Variants in PIGG observed in about 807,000 individuals in gnomAD.
PIGG encodes phosphatidylinositol glycan anchor biosynthesis class G (EMM blood group).
A neutral mutation model predicts 83.2 loss-of-function variants in PIGG; 70 were observed. The observed-to-expected ratio is 0.84, with a 90% confidence interval of 0.69 to 1.03. PIGG has a LOEUF of 1.03. Ranked by LOEUF, PIGG falls within the 50% of genes least tolerant of loss-of-function variation. The pLI is 0.00. For synonymous variants in PIGG, 532 were observed against 519.5 expected (o/e 1.02, Z -0.33); for missense variants, 1,257 against 1,233.6 (o/e 1.02, Z -0.28).
intron 12 of PIGG, among the ~76,000 whole-genome samples, chr4:534,470 G>A (rs1234227482): frequency 6.6e-6 from 1 of 152,220 alleles, no homozygotes; most frequent in Non-Finnish European, 1.5e-5. Context: ...TCGTCCTTGA[G>A]TAGCTAGGGG....
chr4:514,814 C>G (rs751427599), intron 5 of PIGG, among the ~76,000 whole-genome samples: 3 of 152,192 alleles, frequency 2.0e-5, no homozygotes, highest in Non-Finnish European at 2.9e-5. Context: ...CCGCAATAGA[C>G]ACGCAACAGT....
chr4:538,219 G>C (rs1731211752), intron 12 of PIGG, among the ~76,000 whole-genome samples: 1 of 152,244 alleles, frequency 6.6e-6, no homozygotes, highest in Non-Finnish European at 1.5e-5. Context: ...ATGAGGCATG[G>C]AAAGTGCCCA....
chr4:524,242 C>T (rs907388460), intron 9 of PIGG, among the ~76,000 whole-genome samples: 3 of 152,210 alleles, frequency 2.0e-5, no homozygotes, highest in African/African-American at 7.2e-5. Context: ...GTGGCTTGTT[C>T]TGGACGCCTC....
intron 3 of PIGG, among the ~76,000 whole-genome samples, chr4:506,143 C>A (rs1347295987): frequency 6.6e-5 from 10 of 151,936 alleles, no homozygotes; most frequent in African/African-American, 2.4e-4. Flanking sequence ...TTTTATGGAA[C>A]CCAAAGCTTA....
At chr4:509,202 GC>G (rs1720993757) in intron 5 of PIGG, among the ~76,000 whole-genome samples, 1 of 152,154 alleles carries the variant, frequency 6.6e-6, no homozygotes, top group Non-Finnish European at 1.5e-5. Flanking sequence ...GAATGTTGCT[GC>G]CTGGATATCT....
chr4:504,181 G>A (rs1260601018), intron 2 of PIGG, among the ~76,000 whole-genome samples: 1 of 152,136 alleles, frequency 6.6e-6, no homozygotes, highest in African/African-American at 2.4e-5. Flanking sequence ...TTTTGACTTA[G>A]GTCTTTTGGT....
chr4:531,008 C>T (rs902943135), intron 11 of PIGG: 2 of 463,558 alleles, frequency 4.3e-6, no homozygotes, highest in Non-Finnish European at 7.6e-6. Context: ...ACAAGCAGTT[C>T]AGGAAGCACA....
chr4:524,511 G>A (rs1468563698), intron 9 of PIGG: 1 of 152,460 alleles, frequency 6.6e-6, no homozygotes, highest in African/African-American at 2.4e-5. Flanking sequence ...GAAAGAGAGG[G>A]ATGAGGAGGG....
In PIGG at chr4:500,430, T is replaced by G; in HGVS notation, c.189T>G (p.Pro63=). The G allele has an allele frequency of 3.1e-6, 5 of 1,614,050 alleles. No homozygotes were observed. The highest frequency in any genetic ancestry group is 2.7e-5 in the African/African-American group (2 of 75,044). ...CTAACTGGACCACGCTGCCACCACC[T>G]CTCTTCAGTAAAGTTGTTATTGTTC... The part of the protein sequence containing the change: ...ASSNWTTLPP[P]LFSKVVIVLI... The change falls in exon 2 of 13, where the codon CCT becomes CCG. Residue 63 remains proline (P), a synonymous_variant. Transcript: ENST00000453061.
intron 8 of PIGG, chr4:522,190 T>C: frequency 1.7e-6 from 1 of 602,508 alleles, no homozygotes; most frequent in East Asian, 2.8e-5. Flanking sequence ...GAAAGCTAGG[T>C]TCCTGCGACT....
At chr4:518,781 C>T (rs1208753382) in intron 6 of PIGG, among the ~76,000 whole-genome samples, 5 of 152,034 alleles carry the variant, frequency 3.3e-5, no homozygotes, top group African/African-American at 9.7e-5. Context: ...CCCCCCCTGG[C>T]GGCCCATTGT....
At position 523,816 on chromosome 4, in the gene PIGG, C is replaced by T. The variant is rs757266669; in HGVS notation, c.1972C>T (p.Pro658Ser). The T allele has an allele frequency of 1.6e-5, 26 of 1,612,848 alleles. No homozygotes were observed. In the South Asian group the frequency reaches 2.3e-4, roughly 14 times the overall value. ...CGAGAAGTGGATGGTGCTGGCCAGT[C>T]CGTGGCTAATACTGGCCTGCTGCCG... Reference protein sequence around the residue: ...GREKWMVLASPWLILACCRLL... With the variant: ...GREKWMVLASSWLILACCRLL... The change falls in exon 9 of 13, where the codon CCG becomes TCG. Residue 658 changes from proline to serine, a missense_variant. By Grantham distance (74) the Pro-to-Ser change is moderately conservative. Transcript: ENST00000453061.
In PIGG at chr4:500,484, G is replaced by A. The variant is rs2108747716; in HGVS notation, c.243G>A (p.Val81=). 2 of 1,613,406 alleles carry A rather than the reference G, an allele frequency of 1.2e-6. No individual in the cohort carries two copies. Among genetic ancestry groups the A allele is most frequent in the East Asian group, 4.5e-5 (2 of 44,884 alleles). Reference sequence around the variant, plus strand: ...TAGATGCCTTGAGAGATGATTTTGTGTTTGGGTCAAAGGGTGTGAAATTTA... The same window carrying A: ...TAGATGCCTTGAGAGATGATTTTGTATTTGGGTCAAAGGGTGTGAAATTTA... ...VLIDALRDDF[V]FGSKGVKFMP... Residue 81 remains valine (V), a synonymous_variant, in exon 2 of 13, where the codon GTG becomes GTA. Coordinates refer to ENST00000453061, the MANE Select transcript of PIGG (RefSeq NM_001127178.3).
Position 521,250 on chromosome 4 carries a change from G to A in PIGG, c.1309G>A (p.Val437Met), listed in dbSNP as rs781604169. ...VAQYDIYSMM[V>M]GTVVVLEVLT... Reference sequence around the variant, plus strand: ...CCAGTACGACATCTATTCGATGATGGTGGGGACTGTCGTGGTTTTGGAGGT... The same window carrying A: ...CCAGTACGACATCTATTCGATGATGATGGGGACTGTCGTGGTTTTGGAGGT... Residue 437 changes from valine to methionine, a missense_variant, in exon 7 of 13, where the codon GTG becomes ATG. Val to Met is a conservative substitution (Grantham distance 21, BLOSUM62 1). Coordinates refer to ENST00000453061, the MANE Select transcript of PIGG (RefSeq NM_001127178.3). 48 of 1,613,682 alleles carry A rather than the reference G, an allele frequency of 3.0e-5. No individual in the cohort carries two copies. The South Asian group carries it at 5.3e-4, about 18-fold the overall frequency.
At chr4:506,836 T>C (rs1553879710) in intron 3 of PIGG, 2 of 455,878 alleles carry the variant, frequency 4.4e-6, no homozygotes, top group African/African-American at 2.0e-5. Flanking sequence ...TGCCCTCAGC[T>C]TCATCATCCT....
intron 8 of PIGG, 90 bp from the exon 9 acceptor site, chr4:523,369 C>T: frequency 1.1e-6 from 1 of 919,284 alleles, no homozygotes; most frequent in East Asian, 2.4e-5. Context: ...GTGTCCAGGG[C>T]ATTCTCTGCT....
chr4:520,412 G>T (rs11730564), intron 6 of PIGG, among the ~76,000 whole-genome samples: 13,914 of 152,318 alleles, frequency 0.091, 904 homozygotes, highest in Non-Finnish European at 0.15. Context: ...GAGGGGCAGG[G>T]CTCCATCCAG....
chr4:507,975 G>A (rs1005775699), intron 4 of PIGG, among the ~76,000 whole-genome samples: 5 of 151,998 alleles, frequency 3.3e-5, no homozygotes, highest in Non-Finnish European at 5.9e-5. Flanking sequence ...TCTCTGTTCT[G>A]TGTCACTCTC....
intron 9 of PIGG, chr4:525,654 T>C (rs1727370396): frequency 6.6e-6 from 1 of 152,306 alleles, no homozygotes; most frequent in Non-Finnish European, 1.5e-5. Context: ...CATCAGAAGC[T>C]GCGAAATTAC....
Sources: gnomAD v4.1 joint callset for allele counts (sites outside exome capture counted in the v4.1 genomes callset) on GRCh38, gnomAD v4.1.1 for gene constraint, MANE v1.5 for transcripts, NCBI Gene and HGNC (gene_info 2026-07-23, HGNC 2026-07-21) for gene names.